The following GID8 variants were observed in gnomAD, a reference collection of about 807,000 sequenced individuals.
GID8 encodes GID complex subunit 8 homolog, also known as glucose-induced degradation protein 8 homolog.
In GID8, 6 loss-of-function variants were observed where a neutral mutation model predicts 27.4. The observed-to-expected ratio is 0.22, with a 90% CI of 0.12 to 0.43. The LOEUF (loss-of-function observed/expected upper bound fraction) is 0.43. GID8 is among the 20% of genes least tolerant of loss of function. GID8 has a pLI of 1.00. For missense variants in GID8, 173 were observed against 287.6 expected (o/e 0.60, Z 2.88); for synonymous variants, 112 against 109.0 (o/e 1.03, Z -0.17).
At position 62,945,491 on chromosome 20, in the gene GID8, C is replaced by A. The variant is rs947925126; in HGVS notation, c.*579C>A. ...TGGGTTGTGTGGCTTTTGGGGGATG[C>A]GTGTGAGGGGGCTATGTGTTTTTTA... On this transcript the variant is annotated 3_prime_UTR_variant, in exon 5 of 5. Coordinates refer to ENST00000266069, the MANE Select transcript of GID8 (RefSeq NM_017896.3). 1 of 1,020,104 alleles carries A rather than the reference C, an allele frequency of 9.8e-7. No individual in the cohort carries two copies. 63.2% of individuals were successfully genotyped at this position (1,020,104 alleles called of 1,614,324 possible). A position where few individuals can be genotyped will look rare whatever the true frequency, so the allele number is the denominator to read the frequency against.
intron 1 of GID8, among the ~76,000 whole-genome samples, chr20:62,939,359 C>G (rs2065427162): frequency 2.0e-5 from 3 of 152,148 alleles, no homozygotes; most frequent in African/African-American, 7.2e-5. Flanking sequence ...CATTCCCTAT[C>G]TACGCTCTTC....
At chr20:62,941,977 C>CA (rs1384772105) in intron 2 of GID8, among the ~76,000 whole-genome samples, 1 of 152,182 alleles carries the variant, frequency 6.6e-6, no homozygotes, top group African/African-American at 2.4e-5. Flanking sequence ...ATGCCCAACT[C>CA]AGAGGATGGG....
rs2065473561 is a variant in GID8 at position 62,947,991 on chromosome 20, C to T, written c.*3079C>T. The T allele has an allele frequency of 6.6e-6, 1 of 152,260 alleles. No homozygotes were observed. 9.4% of individuals were successfully genotyped at this position (152,260 alleles called of 1,614,324 possible). A position where few individuals can be genotyped will look rare whatever the true frequency, so the allele number is the denominator to read the frequency against. ...AGGGAGCGGGGAGCTGCATTCCCTT[C>T]TGGGCTGTTACTGCTAAATCTCAGT... On this transcript the variant is annotated 3_prime_UTR_variant, in exon 5 of 5. Transcript: ENST00000266069.
intron 4 of GID8, among the ~76,000 whole-genome samples, chr20:62,944,183 C>A (rs532750031): frequency 1.3e-5 from 2 of 152,172 alleles, no homozygotes; most frequent in African/African-American, 4.8e-5. Context: ...ACTTGGTGAT[C>A]GTTACACAGT....
intron 1 of GID8, among the ~76,000 whole-genome samples, chr20:62,940,116 CTTG>C (rs983205945): frequency 1.8e-4 from 27 of 151,746 alleles, no homozygotes; most frequent in Admixed American, 5.9e-4. Context: ...TGTATTTTGT[CTTG>C]TTGTTCCTGA....
At chr20:62,941,419 T>C in intron 1 of GID8, 72 bp from the exon 2 acceptor site, 2 of 823,398 alleles carry the variant, frequency 2.4e-6, no homozygotes, top group Non-Finnish European at 4.2e-6. Flanking sequence ...GGCTCACAGC[T>C]CTTCCAGCGC....
chr20:62,945,178 T>A lies in GID8; in HGVS notation c.*266T>A. 1 of 1,234,954 alleles carries A rather than the reference T, an allele frequency of 8.1e-7. No individual in the cohort carries two copies. Among genetic ancestry groups the A allele is most frequent in the Non-Finnish European group, 1.0e-6 (1 of 981,696 alleles). The allele number at this position is 1,234,954 out of a possible 1,614,324, so 76.5% of individuals were successfully genotyped here. A position where few individuals can be genotyped will look rare whatever the true frequency, so the allele number is the denominator to read the frequency against. ...AATCTGGAAGGTTGCGGTTTGCTCT[T>A]CCAGTGTTCGGGGGCCTCTGGCTGC... On this transcript the variant is annotated 3_prime_UTR_variant, in exon 5 of 5. Transcript: ENST00000266069.
intron 1 of GID8, among the ~76,000 whole-genome samples, chr20:62,940,047 A>T (rs1176055781): frequency 1.3e-5 from 2 of 151,254 alleles, no homozygotes; most frequent in Admixed American, 6.6e-5. Context: ...GCCCTTATTT[A>T]AAAAAAAACA....
chr20:62,944,538 A>G (rs1388952172), intron 4 of GID8, among the ~76,000 whole-genome samples: 1 of 152,180 alleles, frequency 6.6e-6, no homozygotes, highest in East Asian at 1.9e-4. Context: ...AGGCTTGCTC[A>G]TGGCACTTAA....
At chr20:62,940,543 G>T (rs1332534815) in intron 1 of GID8, among the ~76,000 whole-genome samples, 1 of 152,076 alleles carries the variant, frequency 6.6e-6, no homozygotes, top group African/African-American at 2.4e-5. Context: ...TAGAGACGGG[G>T]TTTCACCGTG....
Position 62,943,461 on chromosome 20 carries a change from T to A in GID8, c.316-34T>A. The A allele has an allele frequency of 6.3e-7, 1 of 1,594,780 alleles. No individual in the cohort carries two copies. Among genetic ancestry groups the A allele is most frequent in the Non-Finnish European group, 8.6e-7 (1 of 1,164,900 alleles). On this transcript the variant is annotated intron_variant, in intron 3 of 4. Transcript: ENST00000266069. This position sits in a 1 kb window ranked among gnomAD's most constrained non-coding sequence, Gnocchi z 4.7. ...CTGCCCTAAGTCCCTGGCCTGGGTG[T>A]GTGGGGGTCAAGCTTGTCTGTCTCT...
At chr20:62,941,807 C>T (rs2065445028) in intron 2 of GID8, among the ~76,000 whole-genome samples, 187 bp downstream of exon 2, 1 of 152,180 alleles carries the variant, frequency 6.6e-6, no homozygotes, top group South Asian at 2.1e-4. Context: ...GAGATTTTTC[C>T]AGGTCTCTGA....
chr20:62,941,376 G>A, intron 1 of GID8, 115 bp from the exon 2 acceptor site: 4 of 648,476 alleles, frequency 6.2e-6, no homozygotes, highest in Non-Finnish European at 1.1e-5. Context: ...CGGCAGCGTT[G>A]TCTTTCCGTA....
Position 62,943,971 on chromosome 20 carries a change from G to A in GID8, c.513+279G>A, listed in dbSNP as rs1217384968. Among the ~76,000 whole-genome samples the A allele has an allele frequency of 1.3e-5, 2 of 152,066 alleles. No individual in the cohort carries two copies. The highest frequency in any genetic ancestry group is 2.4e-5 in the African/African-American group (1 of 41,396). On this transcript the variant is annotated intron_variant, in intron 4 of 4. Transcript: ENST00000266069. The surrounding 1 kb of genome is among the most constrained non-coding windows in gnomAD (Gnocchi z 4.7). ...CTGCCTCTGCCTCCCAAGTAGCTGGGACTACAGGAGTGTGCCACCACGCCC... is the reference window on the plus strand; with the variant it reads ...CTGCCTCTGCCTCCCAAGTAGCTGGAACTACAGGAGTGTGCCACCACGCCC...
rs1429874489 is a variant in GID8, at chr20:62,946,083, T to C, written c.*1171T>C. 5 of 1,197,244 alleles carry C rather than the reference T, an allele frequency of 4.2e-6. No homozygotes were observed. Among genetic ancestry groups the C allele is most frequent in the Middle Eastern group, 2.2e-4 (1 of 4,524 alleles). 74.2% of individuals were successfully genotyped at this position (1,197,244 alleles called of 1,614,324 possible). On this transcript the variant is annotated 3_prime_UTR_variant, in exon 5 of 5. Transcript: ENST00000266069. ...CTGGGCACAGATGTGTTTGGATTCA[T>C]TGCAGCGGACCACCGGGCACTGTTG... is the stretch of plus-strand genomic sequence containing the variant.
At chr20:62,942,238 C>G (rs1199643840) in intron 2 of GID8, among the ~76,000 whole-genome samples, 1 of 152,100 alleles carries the variant, frequency 6.6e-6, no homozygotes, top group Non-Finnish European at 1.5e-5. Context: ...TTGTTCGCGC[C>G]TAGGAATTCC....
At chr20:62,938,341 G>A (rs991380727) in intron 1 of GID8, 88 bp downstream of exon 1, 2 of 150,592 alleles carry the variant, frequency 1.3e-5, no homozygotes, top group African/African-American at 2.4e-5. Context: ...GCCGGGGTGC[G>A]CGCCGCCCCC....
rs965007995 is a variant in GID8, at chr20:62,945,760, C to T, written c.*848C>T. ...CCTGCAGCTGGAAAGGCCACTTGGC[C>T]CTGTGCTGAGTGAGCGGCCTTCATT... On this transcript the variant is annotated 3_prime_UTR_variant, in exon 5 of 5. Transcript: ENST00000266069. 6 of 1,251,198 alleles carry T rather than the reference C, an allele frequency of 4.8e-6. No individual in the cohort carries two copies. Among genetic ancestry groups the T allele is most frequent in the Non-Finnish European group, 6.2e-6 (6 of 965,470 alleles). 77.5% of individuals were successfully genotyped at this position (1,251,198 alleles called of 1,614,324 possible). A position where few individuals can be genotyped will look rare whatever the true frequency, so the allele number is the denominator to read the frequency against.
intron 4 of GID8, among the ~76,000 whole-genome samples, chr20:62,944,459 G>T (rs1361905018): frequency 6.6e-6 from 1 of 152,138 alleles, no homozygotes; most frequent in Non-Finnish European, 1.5e-5. Context: ...TGAGGCTTGT[G>T]AGGAGGGTGC....
Sources: allele counts gnomAD v4.1 joint callset (sites outside exome capture counted in the v4.1 genomes callset), GRCh38; gene constraint gnomAD v4.1.1; non-coding constraint Gnocchi (gnomAD v3.1); transcripts MANE v1.5; gene names NCBI Gene and HGNC (gene_info 2026-07-23, HGNC 2026-07-21).